Variants in NDUFB9 observed in about 807,000 individuals in gnomAD.
The protein encoded by NDUFB9 is NADH dehydrogenase [ubiquinone] 1 beta subcomplex subunit 9.
Under a neutral mutation model 30.2 loss-of-function variants are expected in NDUFB9, and 24 were observed. That is an observed-to-expected ratio of 0.80 (90% confidence interval 0.58 to 1.12). The LOEUF (loss-of-function observed/expected upper bound fraction) is 1.12, where lower values mean the gene tolerates loss of function less well. Ranked by LOEUF, NDUFB9 falls within the 50% of genes most tolerant of loss-of-function variation. The pLI is 0.00. For missense variants in NDUFB9, 204 were observed against 226.0 expected (o/e 0.90, Z 0.62); for synonymous variants, 80 against 84.0 (o/e 0.95, Z 0.26).
intron 1 of NDUFB9, 25 bp downstream of exon 1, chr8:124,539,312 G>T: frequency 6.2e-7 from 1 of 1,612,316 alleles, no homozygotes; most frequent in Admixed American, 1.7e-5. Context: ...CCCAGGACTC[G>T]GGGAGGTGAC....
rs935952220 is a variant in NDUFB9, at chr8:124,543,955, A to G, written c.294+676A>G. Among the ~76,000 whole-genome samples the G allele has an allele frequency of 5.9e-5, 9 of 152,256 alleles. 1 individual carries two copies. The highest frequency in any genetic ancestry group is 2.2e-4 in the African/African-American group (9 of 41,476). ...AATGATTAAGCTTAGTGAGGAAGGC[A>G]TGTTGAAAGCCAAGGTGGGTAGAAA... On this transcript the variant is annotated intron_variant, in intron 2 of 3. Coordinates refer to ENST00000276689, the MANE Select transcript of NDUFB9 (RefSeq NM_005005.3).
At chr8:124,546,139 G>A (rs543343262) in intron 2 of NDUFB9, among the ~76,000 whole-genome samples, 1 of 152,220 alleles carries the variant, frequency 6.6e-6, no homozygotes, top group Non-Finnish European at 1.5e-5. Flanking sequence ...ACTGCACCTG[G>A]CCTAAATTAT....
chr8:124,541,667 G>A (rs376424314), intron 1 of NDUFB9, among the ~76,000 whole-genome samples: 15 of 151,534 alleles, frequency 9.9e-5, no homozygotes, highest in African/African-American at 3.6e-4. Flanking sequence ...GCAGTGGCGC[G>A]ATCTTGGCTC....
Position 124,549,752 on chromosome 8 carries a change from T to A in NDUFB9, c.409-9T>A. ...CTTTGGTAATGATTCCTTCCTTGCC[T>A]CCTTCTAGGTTAAGCAGCTGCAGGA... On this transcript the variant is annotated splice_polypyrimidine_tract_variant and intron_variant, in intron 3 of 3. Coordinates refer to ENST00000276689, the MANE Select transcript of NDUFB9 (RefSeq NM_005005.3). 2.5e-6 allele frequency: 4 copies of A among 1,613,814 alleles called. No homozygotes were observed. The highest frequency in any genetic ancestry group is 3.4e-6 in the Non-Finnish European group (4 of 1,179,724).
Position 124,543,072 on chromosome 8 carries a change from T to C in NDUFB9, c.102-15T>C, listed in dbSNP as rs935224005. On this transcript the variant is annotated splice_polypyrimidine_tract_variant and intron_variant, in intron 1 of 3. Coordinates refer to ENST00000276689, the MANE Select transcript of NDUFB9 (RefSeq NM_005005.3). ...TAGGTAACATTTCTAATCTTCAAAA[T>C]CATTTTGGTTTAAGAGACAAATACC... The C allele has an allele frequency of 6.2e-6, 10 of 1,612,932 alleles. No individual in the cohort carries two copies. Among genetic ancestry groups the C allele is most frequent in the Non-Finnish European group, 7.6e-6 (9 of 1,179,254 alleles).
intron 3 of NDUFB9, among the ~76,000 whole-genome samples, chr8:124,548,438 G>C (rs948450052): frequency 6.6e-5 from 10 of 152,198 alleles, no homozygotes; most frequent in Non-Finnish European, 1.3e-4. Context: ...AGCCCAGAAT[G>C]AGTGGGTGCA....
At chr8:124,547,245 T>C in intron 3 of NDUFB9, 132 bp downstream of exon 3, 1 of 734,366 alleles carries the variant, frequency 1.4e-6, no homozygotes, top group Non-Finnish European at 2.5e-6. Context: ...TACTTTAGTA[T>C]CTAAGTGTAT....
chr8:124,543,624 T>C (rs1030754243), intron 2 of NDUFB9, among the ~76,000 whole-genome samples: 1 of 152,216 alleles, frequency 6.6e-6, no homozygotes, highest in African/African-American at 2.4e-5. Context: ...CACACAGTTG[T>C]GGTGAACTGT....
At chr8:124,543,727 G>T (rs115825294) in intron 2 of NDUFB9, among the ~76,000 whole-genome samples, 1 of 152,116 alleles carries the variant, frequency 6.6e-6, no homozygotes, top group Non-Finnish European at 1.5e-5. Context: ...ATAAATGTGC[G>T]TGTGCTGACT....
chr8:124,549,684 AC>A lies in NDUFB9; in HGVS notation c.409-74del, dbSNP rs1822286789. 147 of 1,376,566 alleles carry A rather than the reference AC, an allele frequency of 1.1e-4. No homozygotes were observed. In the South Asian group the frequency reaches 1.7e-3, roughly 16 times the overall value. 85.3% of individuals were successfully genotyped at this position (1,376,566 alleles called of 1,614,324 possible). A position where few individuals can be genotyped will look rare whatever the true frequency, so the allele number is the denominator to read the frequency against. The stretch of plus-strand genomic sequence containing the variant: ...GTGACACACCATAGACATAAAGCTG[AC>A]CCTTCACTGCAGCAGACAGATTTTT... On this transcript the variant is annotated intron_variant, in intron 3 of 3. Coordinates refer to ENST00000276689, the MANE Select transcript of NDUFB9 (RefSeq NM_005005.3).
chr8:124,539,282 C>A lies in NDUFB9; in HGVS notation c.96C>A (p.Val32=). 1 of 1,614,058 alleles carries A rather than the reference C, an allele frequency of 6.2e-7. No individual in the cohort carries two copies. The highest frequency in any genetic ancestry group is 8.5e-7 in the Non-Finnish European group (1 of 1,179,980). ...TACGCCACCTCGAGTCGTGGTGCGTCCAGAGGTAAGGGATGGGGACCCAGG... is the reference window on the plus strand; with the variant it reads ...TACGCCACCTCGAGTCGTGGTGCGTACAGAGGTAAGGGATGGGGACCCAGG... ...RALRHLESWC[V]QRDKYRYFAC... is the part of the protein sequence containing the mutation. The change falls in exon 1 of 4, where the codon GTC becomes GTA. Residue 32 remains valine (V), a synonymous_variant. Coordinates refer to ENST00000276689, the MANE Select transcript of NDUFB9 (RefSeq NM_005005.3).
chr8:124,546,806 C>T, intron 2 of NDUFB9, 194 bp from the exon 3 acceptor site: 5 of 627,932 alleles, frequency 8.0e-6, no homozygotes, highest in South Asian at 3.7e-5. Context: ...CAGTCTTTGA[C>T]TCTAAGGTGT....
intron 1 of NDUFB9, among the ~76,000 whole-genome samples, chr8:124,542,011 G>T (rs1219276519): frequency 6.6e-6 from 1 of 151,710 alleles, no homozygotes; most frequent in Admixed American, 6.6e-5. Flanking sequence ...TGCCTCCCGG[G>T]TTCAAGCTAT....
intron 2 of NDUFB9, among the ~76,000 whole-genome samples, chr8:124,545,824 C>G (rs116805712): frequency 0.058 from 8,754 of 152,036 alleles, 847 homozygotes; most frequent in African/African-American, 0.2. Flanking sequence ...CCACCTCACC[C>G]AACCAATAAT....
At chr8:124,546,068 C>G (rs1400675368) in intron 2 of NDUFB9, among the ~76,000 whole-genome samples, 1 of 152,210 alleles carries the variant, frequency 6.6e-6, no homozygotes, top group Non-Finnish European at 1.5e-5. Context: ...TCTCGAACTC[C>G]TGACCTCAGG....
rs751484510 is a variant in NDUFB9, at chr8:124,543,294, T to C, written c.294+15T>C. ...ATTGCTACAAGGTAGGTGAGAATTATGATGACTGCCTTCTGAGAAATAGAC... is the reference window on the plus strand; with the variant it reads ...ATTGCTACAAGGTAGGTGAGAATTACGATGACTGCCTTCTGAGAAATAGAC... On this transcript the variant is annotated intron_variant, in intron 2 of 3. Coordinates refer to ENST00000276689, the MANE Select transcript of NDUFB9 (RefSeq NM_005005.3). The C allele has an allele frequency of 6.2e-6, 10 of 1,606,820 alleles. No individual in the cohort carries two copies. The highest frequency in any genetic ancestry group is 2.2e-5 in the East Asian group (1 of 44,866).
chr8:124,549,968 A>C lies in NDUFB9; in HGVS notation c.*76A>C. The C allele has an allele frequency of 6.2e-7, 1 of 1,607,674 alleles. No homozygotes were observed. The highest frequency in any genetic ancestry group is 8.5e-7 in the Non-Finnish European group (1 of 1,176,884). Reference sequence around the variant, plus strand: ...CATGCACTTGCCCTAATAAAAAATCAGTGAAATGGTCTCTGGTATGACTGA... The same window carrying C: ...CATGCACTTGCCCTAATAAAAAATCCGTGAAATGGTCTCTGGTATGACTGA... On this transcript the variant is annotated 3_prime_UTR_variant, in exon 4 of 4. Transcript: ENST00000276689.
rs372734232 is a variant in NDUFB9, at chr8:124,547,011, G to A, written c.306G>A (p.Trp102Ter). 1.2e-6 allele frequency: 2 copies of A among 1,611,312 alleles called. No individual in the cohort carries two copies. Among genetic ancestry groups the A allele is most frequent in the East Asian group, 2.2e-5 (1 of 44,880 alleles). ...TCCTCTCCTGACAGGTCCCAGAATGGTGCTTAGATGACTGGCATCCTTCTG... is the reference window on the plus strand; with the variant it reads ...TCCTCTCCTGACAGGTCCCAGAATGATGCTTAGATGACTGGCATCCTTCTG... ...ERYDCYKVPE[W>*]CLDDWHPSEK... Residue 102 changes from tryptophan (W) to a stop codon, truncating the protein, a stop_gained, in exon 3 of 4, where the codon TGG becomes TGA. Transcript: ENST00000276689. LOFTEE classifies it high-confidence loss of function.
chr8:124,547,400 C>T, intron 3 of NDUFB9: 2 of 603,442 alleles, frequency 3.3e-6, no homozygotes, highest in Admixed American at 5.9e-5. Context: ...TTCCCTCAAC[C>T]TGCCTCTCCA....
Sources: gnomAD v4.1 joint callset for allele counts (sites outside exome capture counted in the v4.1 genomes callset) on GRCh38, gnomAD v4.1.1 for gene constraint, MANE v1.5 for transcripts, NCBI Gene and HGNC (gene_info 2026-07-23, HGNC 2026-07-21) for gene names.